The following XRCC4 variants were observed in gnomAD, a reference collection of about 807,000 sequenced individuals.
The protein encoded by XRCC4 is X-ray repair cross complementing 4, also known as DNA repair protein XRCC4.
XRCC4 carries 28 observed loss-of-function variants against 39.1 expected under a neutral mutation model. The observed-to-expected ratio is 0.72, with a 90% CI of 0.53 to 0.98. XRCC4 has a LOEUF of 0.98. Ranked by LOEUF, XRCC4 falls within the 50% of genes least tolerant of loss-of-function variation. The pLI is 0.00. For synonymous variants in XRCC4, 123 were observed against 126.4 expected (o/e 0.97, Z 0.18); for missense variants, 350 against 376.4 (o/e 0.93, Z 0.58).
intron 1 of XRCC4, among the ~76,000 whole-genome samples, chr5:83,095,216 G>C (rs1192300458): frequency 6.6e-6 from 1 of 152,136 alleles, no homozygotes; most frequent in African/African-American, 2.4e-5. Flanking sequence ...TAGCTACATA[G>C]GTTCTCTTAT....
Position 83,197,224 on chromosome 5 carries a change from G to T in XRCC4, c.482+1288G>T, listed in dbSNP as rs546820672. ...TTAACTGCTGTTTATTCATAAAGAT[G>T]ATTTCAATGTGATAGTATGAATCAG... On this transcript the variant is annotated intron_variant, in intron 4 of 7. Coordinates refer to ENST00000396027, the MANE Select transcript of XRCC4 (RefSeq NM_003401.5). Among the ~76,000 whole-genome samples the T allele has an allele frequency of 3.9e-5, 6 of 152,132 alleles. No homozygotes were observed. The South Asian group carries it at 1.0e-3, about 26-fold the overall frequency.
At chr5:83,152,651 AAAG>A (rs1285714602) in intron 3 of XRCC4, among the ~76,000 whole-genome samples, 1 of 151,236 alleles carries the variant, frequency 6.6e-6, no homozygotes, top group African/African-American at 2.4e-5. Flanking sequence ...AAAAAAAAAA[AAAG>A]AAATAGAACT....
chr5:83,161,894 T>C (rs1314333072), intron 3 of XRCC4, among the ~76,000 whole-genome samples: 1 of 152,210 alleles, frequency 6.6e-6, no homozygotes, highest in East Asian at 1.9e-4. Context: ...TTTAAAATGT[T>C]ATTCAATCTT....
the XRCC4 span, among the ~76,000 whole-genome samples, chr5:83,369,643 T>C: frequency 1.3e-5 from 2 of 152,222 alleles, no homozygotes; most frequent in African/African-American, 4.8e-5. Flanking sequence ...CTTTATCCAA[T>C]CCACTATTGA....
intron 3 of XRCC4, among the ~76,000 whole-genome samples, chr5:83,194,697 C>T (rs536474009): frequency 9.2e-5 from 14 of 152,266 alleles, no homozygotes; most frequent in African/African-American, 3.4e-4. Context: ...TACTCTTCTA[C>T]GGACTCAGTG....
At chr5:83,150,067 C>G (rs1370874129) in intron 3 of XRCC4, among the ~76,000 whole-genome samples, 2 of 152,060 alleles carry the variant, frequency 1.3e-5, no homozygotes, top group Non-Finnish European at 2.9e-5. Context: ...ATTTTAAAAC[C>G]TGATAATTAA....
intron 3 of XRCC4, among the ~76,000 whole-genome samples, chr5:83,188,709 G>A (rs1750562885): frequency 6.6e-6 from 1 of 152,126 alleles, no homozygotes; most frequent in Admixed American, 6.5e-5. Context: ...CTAAGTGAGA[G>A]GAGGCCCCAC....
At chr5:83,235,219 C>T (rs1752639233) in intron 6 of XRCC4, among the ~76,000 whole-genome samples, 2 of 150,822 alleles carry the variant, frequency 1.3e-5, no homozygotes, top group Admixed American at 1.3e-4. Flanking sequence ...CCTGTAGTCC[C>T]AGCTACTTGG....
rs181006685 is a variant in XRCC4, at chr5:83,193,171, G to A, written c.316-2599G>A. On this transcript the variant is annotated intron_variant, in intron 3 of 7. Coordinates refer to ENST00000396027, the MANE Select transcript of XRCC4 (RefSeq NM_003401.5). ...TCTAGGCACGTGGCCCCTTGCATCT[G>A]TAGTAATGTGCACAGCCTAGAACAG... Among the ~76,000 whole-genome samples the A allele has an allele frequency of 2.0e-5, 3 of 152,208 alleles. No homozygotes were observed. In the East Asian group the frequency reaches 5.8e-4, roughly 29 times the overall value.
At chr5:83,369,244 T>G in the XRCC4 span, among the ~76,000 whole-genome samples, 1 of 152,154 alleles carries the variant, frequency 6.6e-6, no homozygotes, top group Non-Finnish European at 1.5e-5. Flanking sequence ...CTTTCTTTGT[T>G]TTCTTTTTAA....
the XRCC4 span, among the ~76,000 whole-genome samples, chr5:83,367,860 T>C: frequency 6.6e-6 from 1 of 151,962 alleles, no homozygotes; most frequent in East Asian, 1.9e-4. Flanking sequence ...CCCAAAGTGC[T>C]GGGATTACAG....
intron 3 of XRCC4, among the ~76,000 whole-genome samples, chr5:83,156,663 C>T (rs1432823091): frequency 1.3e-5 from 2 of 151,948 alleles, no homozygotes; most frequent in Non-Finnish European, 2.9e-5. Context: ...CTTATATTGC[C>T]TTAAATAGTT....
intron 6 of XRCC4, among the ~76,000 whole-genome samples, chr5:83,216,307 G>A (rs1362821563): frequency 6.6e-6 from 1 of 152,120 alleles, no homozygotes; most frequent in Non-Finnish European, 1.5e-5. Context: ...CTAAAAGTTA[G>A]AAAATAATGT....
At chr5:83,160,623 T>C (rs1158822627) in intron 3 of XRCC4, among the ~76,000 whole-genome samples, 1 of 152,206 alleles carries the variant, frequency 6.6e-6, no homozygotes, top group Non-Finnish European at 1.5e-5. Context: ...CTTAATTTAT[T>C]CTTACTTCGG....
At chr5:83,323,031 C>T (rs923494992) in intron 7 of XRCC4, among the ~76,000 whole-genome samples, 4 of 152,002 alleles carry the variant, frequency 2.6e-5, no homozygotes, top group Non-Finnish European at 4.4e-5. Flanking sequence ...GAGCCCTATT[C>T]GAAGTATGTG....
intron 3 of XRCC4, among the ~76,000 whole-genome samples, chr5:83,155,317 A>G (rs1748907548): frequency 6.6e-6 from 1 of 152,130 alleles, no homozygotes; most frequent in Admixed American, 6.5e-5. Context: ...AAAGGGGAAA[A>G]GTTGTCACTG....
intron 3 of XRCC4, among the ~76,000 whole-genome samples, chr5:83,160,573 G>T (rs1452836183): frequency 1.3e-5 from 2 of 152,146 alleles, no homozygotes; most frequent in African/African-American, 4.8e-5. Flanking sequence ...TACCACGTGG[G>T]ATGATTGATA....
intron 1 of XRCC4, among the ~76,000 whole-genome samples, chr5:83,078,841 C>T (rs893802948): frequency 6.6e-6 from 1 of 152,188 alleles, no homozygotes; most frequent in Non-Finnish European, 1.5e-5. Context: ...ATACAGTACT[C>T]TCCACCTAAG....
the XRCC4 span, among the ~76,000 whole-genome samples, chr5:83,367,988 G>A: frequency 7.9e-5 from 12 of 151,422 alleles, no homozygotes; most frequent in South Asian, 4.2e-4. Context: ...GCTGTATGGA[G>A]AAAACACAGC....
Sources: gnomAD v4.1 joint callset for allele counts (sites outside exome capture counted in the v4.1 genomes callset) on GRCh38, gnomAD v4.1.1 for gene constraint, MANE v1.5 for transcripts, NCBI Gene and HGNC (gene_info 2026-07-23, HGNC 2026-07-21) for gene names.